The following HLA-DPA1 variants were observed in gnomAD, a reference collection of about 807,000 sequenced individuals.
HLA-DPA1 encodes the protein HLA class II histocompatibility antigen, DP alpha 1 chain.
A neutral mutation model predicts 21.5 loss-of-function variants in HLA-DPA1; 20 were observed. The ratio of observed to expected loss-of-function variants is 0.93; its 90% confidence interval spans 0.66 to 1.35. HLA-DPA1 has a LOEUF of 1.35. Among genes scored for constraint, HLA-DPA1 ranks in the 40% most tolerant of loss-of-function variants. HLA-DPA1 has a pLI of 0.00. For synonymous variants in HLA-DPA1, 123 were observed against 129.6 expected, an observed-to-expected ratio of 0.95 and a Z score of 0.35; for missense variants, 279 against 323.0, an observed-to-expected ratio of 0.86 and a Z score of 1.05.
chr6:33,064,904 C>A (rs1210060634), exon 6 of HLA-DPA1: 1 of 152,196 alleles, frequency 6.6e-6, no homozygotes, highest in Non-Finnish European at 1.5e-5. Flanking sequence ...GGGATCAGAA[C>A]CTTTAGTAAC....
chr6:33,078,785 T>C (rs2150369842), intron 1 of HLA-DPA1, among the ~76,000 whole-genome samples: 1 of 152,250 alleles, frequency 6.6e-6, no homozygotes, highest in Non-Finnish European at 1.5e-5. Flanking sequence ...AATTCAAAAT[T>C]CTTATTCTTG....
chr6:33,065,309 A>G (rs1010154165), exon 6 of HLA-DPA1: 2 of 152,260 alleles, frequency 1.3e-5, no homozygotes, highest in African/African-American at 4.8e-5. Context: ...TGGAGTTCAG[A>G]TCTCTCCTAA....
At chr6:33,069,424 G>C (rs576529566) in intron 3 of HLA-DPA1, 124 bp from the exon 3 acceptor site, 6 of 1,073,390 alleles carry the variant, frequency 5.6e-6, no homozygotes, top group Admixed American at 4.6e-5. Context: ...ATCACAGAGA[G>C]GGGTATCACA....
chr6:33,071,170 C>T (rs57896011), intron 2 of HLA-DPA1, among the ~76,000 whole-genome samples: 43,883 of 151,888 alleles, frequency 0.29, 8,373 homozygotes, highest in East Asian at 0.69. Flanking sequence ...TGACTCCTTG[C>T]CACTGTAATT....
At chr6:33,070,017 G>T in intron 2 of HLA-DPA1, 131 bp from the exon 2 acceptor site, 1 of 764,824 alleles carries the variant, frequency 1.3e-6, no homozygotes, top group South Asian at 1.9e-5. Flanking sequence ...AAGGACATAT[G>T]GGGAAGAAGA....
intron 2 of HLA-DPA1, among the ~76,000 whole-genome samples, chr6:33,071,758 A>T (rs28986425): frequency 0.13 from 19,893 of 152,030 alleles, 1,639 homozygotes; most frequent in Admixed American, 0.25. Flanking sequence ...CTTCCTGGGG[A>T]ACAGATGGCT....
intron 5 of HLA-DPA1, chr6:33,066,283 C>A (rs1761949069): frequency 1.3e-5 from 2 of 152,220 alleles, no homozygotes; most frequent in African/African-American, 4.8e-5. Context: ...CAAGATGGAA[C>A]TCAGACACAG....
chr6:33,077,753 T>C (rs28449420), intron 1 of HLA-DPA1, among the ~76,000 whole-genome samples: 12,348 of 152,122 alleles, frequency 0.081, 1,151 homozygotes, highest in East Asian at 0.51. Flanking sequence ...CTCCTAGACC[T>C]CTCCACACCC....
intron 1 of HLA-DPA1, chr6:33,079,833 C>T (rs1028490842): frequency 2.4e-6 from 1 of 414,174 alleles, no homozygotes; most frequent in Non-Finnish European, 4.7e-6. Context: ...ACCCCAGTAC[C>T]AGGGTGCACA....
At chr6:33,072,693 G>A (rs1583098680) in intron 2 of HLA-DPA1, among the ~76,000 whole-genome samples, 1 of 152,272 alleles carries the variant, frequency 6.6e-6, no homozygotes, top group East Asian at 1.9e-4. Flanking sequence ...TGGAATGACA[G>A]CATCATGCAC....
chr6:33,078,768 A>G (rs567599044), intron 1 of HLA-DPA1, among the ~76,000 whole-genome samples: 1 of 152,354 alleles, frequency 6.6e-6, no homozygotes, highest in Non-Finnish European at 1.5e-5. Flanking sequence ...AAATGTTGCA[A>G]AGAAAAAATT....
At chr6:33,073,226 C>A (rs1189666510) in intron 2 of HLA-DPA1, among the ~76,000 whole-genome samples, 1 of 152,156 alleles carries the variant, frequency 6.6e-6, no homozygotes, top group Non-Finnish European at 1.5e-5. Flanking sequence ...GGAATAATTT[C>A]TAAATGAATG....
rs139618365 is a variant in HLA-DPA1, at chr6:33,075,603, A to G, written c.-99-1934T>C. On this transcript the variant is annotated intron_variant, in intron 1 of 5. Coordinates refer to ENST00000419277, the Ensembl canonical transcript of HLA-DPA1. ...CATGCCACTGAATGACCTTTTACACACTAAGATAGCACTTTTTCCACAACA... is the reference window on the plus strand; with the variant it reads ...CATGCCACTGAATGACCTTTTACACGCTAAGATAGCACTTTTTCCACAACA... 3.6e-3 allele frequency among the ~76,000 whole-genome samples: 542 copies of G among 152,266 alleles called. 3 individuals carry two copies. Among genetic ancestry groups the G allele is most frequent in the East Asian group, 0.026 (133 of 5,180 alleles).
chr6:33,077,770 G>A (rs1462187186), intron 1 of HLA-DPA1, among the ~76,000 whole-genome samples: 1 of 151,992 alleles, frequency 6.6e-6, no homozygotes, highest in Non-Finnish European at 1.5e-5. Context: ...ACCCCTCCTA[G>A]GACACACCTA....
chr6:33,074,991 T>G (rs1001307177), intron 1 of HLA-DPA1, among the ~76,000 whole-genome samples: 1 of 152,232 alleles, frequency 6.6e-6, no homozygotes, highest in South Asian at 2.1e-4. Flanking sequence ...ATGATGCCAA[T>G]TTGATTTTTT....
At chr6:33,077,673 T>C (rs1019444452) in intron 1 of HLA-DPA1, among the ~76,000 whole-genome samples, 6 of 152,200 alleles carry the variant, frequency 3.9e-5, no homozygotes, top group East Asian at 1.9e-4. Context: ...ACCAACACTC[T>C]GAGAGGAAGG....
At chr6:33,070,357 C>T (rs73739684) in intron 2 of HLA-DPA1, among the ~76,000 whole-genome samples, 29,941 of 152,036 alleles carry the variant, frequency 0.2, 3,582 homozygotes, top group African/African-American at 0.33. Flanking sequence ...TAAGGTCATA[C>T]GGCTACTGGC....
chr6:33,068,018 A>C (rs1325075869), intron 5 of HLA-DPA1: 3 of 152,260 alleles, frequency 2.0e-5, no homozygotes, highest in African/African-American at 7.2e-5. Context: ...AGAATTCCCA[A>C]AACATATAAA....
chr6:33,079,138 T>A (rs1431402), intron 1 of HLA-DPA1, among the ~76,000 whole-genome samples: 23,146 of 152,232 alleles, frequency 0.15, 1,857 homozygotes, highest in South Asian at 0.22. Context: ...CAACTTCTGC[T>A]AGGGGTGAGG....
Sources: gnomAD v4.1 joint callset for allele counts (sites outside exome capture counted in the v4.1 genomes callset) on GRCh38, gnomAD v4.1.1 for gene constraint, MANE v1.5 for transcripts, NCBI Gene and HGNC (gene_info 2026-07-23, HGNC 2026-07-21) for gene names.